Variants in WDR44 observed in about 807,000 individuals in gnomAD.
WDR44 encodes WD repeat-containing protein 44.
In WDR44, 9 loss-of-function variants were observed where a neutral mutation model predicts 65.7. That is an observed-to-expected ratio of 0.14 (90% CI 0.08 to 0.24). The LOEUF (loss-of-function observed/expected upper bound fraction) is 0.24. Ranked by LOEUF, WDR44 falls within the 10% of genes least tolerant of loss-of-function variation. WDR44 has a pLI of 1.00. For missense variants in WDR44, 425 were observed against 670.9 expected, an observed-to-expected ratio of 0.63 and a Z score of 4.05; for synonymous variants, 220 against 235.2, an observed-to-expected ratio of 0.94 and a Z score of 0.59.
chrX:118,440,608 G>A (rs5956997), intron 14 of WDR44, among the ~76,000 whole-genome samples: 2 of 109,520 alleles, frequency 1.8e-5, no homozygotes, highest in East Asian at 5.7e-4. Flanking sequence ...AGCACCTCCC[G>A]TAAACACGCC....
At chrX:118,381,717 C>T (rs191765814) in intron 2 of WDR44, among the ~76,000 whole-genome samples, 345 of 107,211 alleles carry the variant, frequency 3.2e-3, no homozygotes, top group Non-Finnish European at 5.0e-3. Context: ...GGATTATAGG[C>T]GCCCGCCACC....
intron 2 of WDR44, among the ~76,000 whole-genome samples, chrX:118,384,169 C>T (rs185102905): frequency 9.0e-6 from 1 of 110,567 alleles, no homozygotes; most frequent in African/African-American, 3.3e-5. Context: ...CCTATGTAAA[C>T]TTAAGATGTA....
chrX:118,402,759 A>G (rs942656677), intron 8 of WDR44, among the ~76,000 whole-genome samples: 2 of 112,165 alleles, frequency 1.8e-5, no homozygotes, highest in African/African-American at 6.5e-5. Flanking sequence ...ATTAAAAACA[A>G]TTTATAAAAA....
chrX:118,382,367 C>T (rs896090396), intron 2 of WDR44, among the ~76,000 whole-genome samples: 14 of 111,636 alleles, frequency 1.3e-4, no homozygotes, highest in Non-Finnish European at 2.6e-4. Flanking sequence ...ACATGAGACT[C>T]CAACAAAGGG....
intron 1 of WDR44, among the ~76,000 whole-genome samples, chrX:118,359,340 G>A (rs1183544789): frequency 8.9e-6 from 1 of 112,151 alleles, no homozygotes; most frequent in Non-Finnish European, 1.9e-5. Flanking sequence ...TTACCTTGGT[G>A]TTATTGTTTT....
intron 13 of WDR44, 110 bp downstream of exon 13, chrX:118,433,004 C>T: frequency 9.8e-6 from 6 of 612,281 alleles, no homozygotes; most frequent in Non-Finnish European, 1.5e-5. Context: ...TGTCTTAAGG[C>T]CTTCAACTGA....
intron 14 of WDR44, among the ~76,000 whole-genome samples, chrX:118,438,447 T>C (rs2057272969): frequency 1.8e-5 from 2 of 111,056 alleles, no homozygotes; most frequent in Middle Eastern, 4.6e-3. Context: ...TTTATCTATT[T>C]TTGGAGACAG....
chrX:118,438,300 C>T (rs1365228714), intron 14 of WDR44, among the ~76,000 whole-genome samples: 1 of 112,241 alleles, frequency 8.9e-6, no homozygotes, highest in Non-Finnish European at 1.9e-5. Flanking sequence ...ATGGATTTAC[C>T]CCATCAGCAA....
chrX:118,367,087 A>G lies in WDR44; in HGVS notation c.78-11332A>G, dbSNP rs775009457. On this transcript the variant is annotated intron_variant, in intron 1 of 19. Coordinates refer to ENST00000254029, the MANE Select transcript of WDR44 (RefSeq NM_019045.5). ...GGCAACAGAGCAAGACTCCGTCTCA[A>G]AAAAAAAAAAAAATGAAATGGTTTC... is the stretch of plus-strand genomic sequence containing the variant. Among the ~76,000 whole-genome samples, 7 of 105,119 alleles carry G rather than the reference A, an allele frequency of 6.7e-5. No individual in the cohort carries two copies. The Admixed American group carries it at 7.0e-4, about 11-fold the overall frequency. The allele number at this position is 105,119 out of a possible 115,157, so 91.3% of individuals were successfully genotyped here.
chrX:118,416,292 T>C (rs1174902256), intron 12 of WDR44, among the ~76,000 whole-genome samples: 1 of 111,779 alleles, frequency 8.9e-6, no homozygotes, highest in African/African-American at 3.3e-5. Flanking sequence ...GTTTGTGCTC[T>C]TTGAGTCTTT....
chrX:118,392,829 T>C lies in WDR44; in HGVS notation c.384T>C (p.Asn128=). 1 of 1,211,924 alleles carries C rather than the reference T, an allele frequency of 8.3e-7. No individual in the cohort carries two copies. Among genetic ancestry groups the C allele is most frequent in the Non-Finnish European group, 1.1e-6 (1 of 895,526 alleles). The change falls in exon 4 of 20, where the codon AAT becomes AAC. Residue 128 remains asparagine, a synonymous_variant. Transcript: ENST00000254029. ...PEESQKAESQ[N]TFEETELELK... ...AATCCCAAAAGGCAGAGAGTCAGAA[T>C]ACATTTGAAGAGACTGAATTAGAAT...
In WDR44 at chrX:118,346,235, A is replaced by T. The variant is rs1490765430; in HGVS notation, c.-269A>T. ...CCACCGCCTCTTTCGCGCTCCTTAT[A>T]CACCTATCACTGGGAGCGGTGGCAG... On this transcript the variant is annotated 5_prime_UTR_variant, in exon 1 of 20. Transcript: ENST00000254029. 1 of 381,817 alleles carries T rather than the reference A, an allele frequency of 2.6e-6. No homozygotes were observed. The highest frequency in any genetic ancestry group is 4.5e-6 in the Non-Finnish European group (1 of 222,236). The allele number at this position is 381,817 out of a possible 1,213,427, so 31.5% of individuals were successfully genotyped here.
At chrX:118,441,206 C>T (rs1569386688) in intron 14 of WDR44, among the ~76,000 whole-genome samples, 162 bp from the exon 15 acceptor site, 1 of 110,961 alleles carries the variant, frequency 9.0e-6, no homozygotes, top group Non-Finnish European at 1.9e-5. Context: ...GATCCACTGC[C>T]TTGGCCTCCC....
intron 1 of WDR44, among the ~76,000 whole-genome samples, chrX:118,349,707 G>A (rs1045548399): frequency 6.3e-5 from 7 of 110,702 alleles, no homozygotes; most frequent in Non-Finnish European, 7.6e-5. Flanking sequence ...ACAGGTGTGC[G>A]CCACCACGCC....
chrX:118,390,067 ATATT>A (rs3048527), intron 3 of WDR44, among the ~76,000 whole-genome samples: 2 of 105,295 alleles, frequency 1.9e-5, no homozygotes, highest in Non-Finnish European at 3.9e-5. Flanking sequence ...CTAATTTTTT[ATATT>A]TATTTATTTA....
intron 1 of WDR44, among the ~76,000 whole-genome samples, chrX:118,367,466 G>A (rs188392457): frequency 3.2e-4 from 36 of 111,562 alleles, no homozygotes; most frequent in African/African-American, 1.1e-3. Context: ...GGTAGTACTT[G>A]TAGATAAATT....
Position 118,449,405 on chromosome X carries a change from T to G in WDR44, c.*418T>G, listed in dbSNP as rs1268517251. The G allele has an allele frequency of 1.1e-4, 12 of 112,111 alleles. No homozygotes were observed. The Admixed American group carries it at 1.2e-3, about 11-fold the overall frequency. The allele number at this position is 112,111 out of a possible 1,213,427, so 9.2% of individuals were successfully genotyped here. On this transcript the variant is annotated 3_prime_UTR_variant, in exon 20 of 20. Transcript: ENST00000254029. ...TTTCTAGCTTAAACAATTTTTTTTT[T>G]GCACAAAATTTCATTTTTAATAAAA...
intron 19 of WDR44, among the ~76,000 whole-genome samples, chrX:118,446,284 A>G (rs1179885553): frequency 9.1e-6 from 1 of 110,168 alleles, no homozygotes; most frequent in Non-Finnish European, 1.9e-5. Context: ...GACTCTGTCT[A>G]AAAATATATA....
At chrX:118,418,763 T>C (rs1473605338) in intron 12 of WDR44, among the ~76,000 whole-genome samples, 2 of 110,824 alleles carry the variant, frequency 1.8e-5, no homozygotes, top group African/African-American at 6.6e-5. Context: ...TATATGCCCT[T>C]TGTCTTCAGC....
Sources: allele counts gnomAD v4.1 joint callset (sites outside exome capture counted in the v4.1 genomes callset), GRCh38; gene constraint gnomAD v4.1.1; transcripts MANE v1.5; gene names NCBI Gene and HGNC (gene_info 2026-07-23, HGNC 2026-07-21).